GLIS3: variants seen among roughly 807,000 people sequenced by gnomAD.
GLIS3 encodes the protein zinc finger protein GLIS3.
Under a neutral mutation model 78.6 loss-of-function variants are expected in GLIS3, and 53 were observed. The observed-to-expected ratio is 0.67, with a 90% CI of 0.54 to 0.85. GLIS3 has a LOEUF of 0.85. Ranked by LOEUF, GLIS3 falls within the 40% of genes least tolerant of loss-of-function variation. GLIS3 has a pLI of 0.00. For missense variants in GLIS3, 1,703 were observed against 1,231.1 expected (o/e 1.38, Z -5.74); for synonymous variants, 684 against 509.9 (o/e 1.34, Z -4.60).
chr9:3,908,114 A>T (rs1261003136), intron 6 of GLIS3, among the ~76,000 whole-genome samples: 1 of 152,188 alleles, frequency 6.6e-6, no homozygotes, highest in African/African-American at 2.4e-5. Context: ...CAGAACAATA[A>T]GGACTGAAAG....
intron 2 of GLIS3, among the ~76,000 whole-genome samples, chr9:4,196,685 C>A (rs1173323593): frequency 6.6e-6 from 1 of 152,180 alleles, no homozygotes; most frequent in Non-Finnish European, 1.5e-5. Flanking sequence ...CATGTCTGAA[C>A]ATCAGAAGGA....
the GLIS3 span, among the ~76,000 whole-genome samples, chr9:4,453,653 G>A: frequency 6.6e-6 from 1 of 152,168 alleles, no homozygotes; most frequent in South Asian, 2.1e-4. Flanking sequence ...ATACATCATG[G>A]AATACTATGC....
At chr9:4,174,483 C>A (rs558056292) in intron 2 of GLIS3, among the ~76,000 whole-genome samples, 1 of 152,194 alleles carries the variant, frequency 6.6e-6, no homozygotes, top group Non-Finnish European at 1.5e-5. Context: ...ACAAATACCA[C>A]ATTCCGTTCT....
intron 4 of GLIS3, among the ~76,000 whole-genome samples, chr9:4,076,409 T>C (rs1369688257): frequency 6.6e-6 from 1 of 152,244 alleles, no homozygotes; most frequent in Non-Finnish European, 1.5e-5. Context: ...TGTAGTGTTA[T>C]CTCCTATGAC....
At chr9:4,194,544 T>C (rs938224319) in intron 2 of GLIS3, among the ~76,000 whole-genome samples, 2 of 152,186 alleles carry the variant, frequency 1.3e-5, no homozygotes, top group East Asian at 1.9e-4. Context: ...CCTCAGCCAC[T>C]TGGAAACAGC....
chr9:4,163,085 ACAT>A (rs1387954974), intron 2 of GLIS3, among the ~76,000 whole-genome samples: 2 of 152,228 alleles, frequency 1.3e-5, no homozygotes, highest in African/African-American at 4.8e-5. Context: ...CACATGTTAT[ACAT>A]CACCTCCACT....
chr9:4,267,614 A>C (rs899233451), intron 2 of GLIS3, among the ~76,000 whole-genome samples: 2 of 152,216 alleles, frequency 1.3e-5, no homozygotes, highest in Non-Finnish European at 2.9e-5. Flanking sequence ...ACATCTTAGG[A>C]AACTTTGCTA....
At chr9:4,305,219 C>T (rs925185601) in intron 4 of GLIS3, 1 of 152,194 alleles carries the variant, frequency 6.6e-6, no homozygotes, top group Admixed American at 6.5e-5. Context: ...GCAGGAAACC[C>T]TACTTCCACC....
At chr9:4,449,529 C>T in the GLIS3 span, among the ~76,000 whole-genome samples, 2 of 152,234 alleles carry the variant, frequency 1.3e-5, no homozygotes, top group African/African-American at 4.8e-5. Flanking sequence ...AAGTGGGTCC[C>T]TGACCCCCGT....
chr9:4,213,635 G>C (rs1388741653), intron 2 of GLIS3, among the ~76,000 whole-genome samples: 1 of 152,178 alleles, frequency 6.6e-6, no homozygotes, highest in African/African-American at 2.4e-5. Context: ...CAGCACACTA[G>C]ACATTACATT....
intron 4 of GLIS3, among the ~76,000 whole-genome samples, chr9:4,043,602 G>A (rs1490119628): frequency 6.6e-6 from 1 of 152,078 alleles, no homozygotes; most frequent in East Asian, 1.9e-4. Flanking sequence ...GAGGGCTGGG[G>A]AGGTGGTTTT....
chr9:3,918,613 G>A (rs1824672923), intron 6 of GLIS3, among the ~76,000 whole-genome samples: 3 of 152,066 alleles, frequency 2.0e-5, no homozygotes, highest in Admixed American at 6.6e-5. Flanking sequence ...TCTGACCCAG[G>A]AGTCTCATGT....
intron 4 of GLIS3, among the ~76,000 whole-genome samples, chr9:3,943,829 A>T (rs538354339): frequency 6.6e-6 from 1 of 152,188 alleles, no homozygotes; most frequent in Non-Finnish European, 1.5e-5. Flanking sequence ...TCATTTATCC[A>T]GATTATCTGG....
At chr9:3,859,386 C>T (rs943148683) in intron 8 of GLIS3, among the ~76,000 whole-genome samples, 46 of 67,222 alleles carry the variant, frequency 6.8e-4, no homozygotes, top group Admixed American at 3.2e-4. Flanking sequence ...CACACACACA[C>T]ACACACACAC....
Position 4,118,286 on chromosome 9 carries a change from G to T in GLIS3, c.1192C>A (p.Leu398Met), listed in dbSNP as rs919514445. 2 of 1,583,220 alleles carry T rather than the reference G, an allele frequency of 1.3e-6. No homozygotes were observed. Among genetic ancestry groups the T allele is most frequent in the Non-Finnish European group, 1.7e-6 (2 of 1,166,178 alleles). Residue 398 changes from leucine to methionine, a missense_variant, in exon 4 of 11, where the codon CTG becomes ATG. Leu to Met is a conservative substitution (Grantham distance 15). Transcript: ENST00000381971. This position sits in a 1 kb window ranked among gnomAD's most constrained non-coding sequence, Gnocchi z 4.7. ...GALEHERMQQ[L>M]EHGGLQPGLV... ...CCTGGCTGCAGGCCGCCGTGCTCCAGCTGTTGCATGCGCTCGTGCTCCAGG... is the reference window on the plus strand; with the variant it reads ...CCTGGCTGCAGGCCGCCGTGCTCCATCTGTTGCATGCGCTCGTGCTCCAGG...
chr9:4,428,674 C>G, the GLIS3 span, among the ~76,000 whole-genome samples: 2 of 152,002 alleles, frequency 1.3e-5, no homozygotes, highest in Admixed American at 6.6e-5. Flanking sequence ...TGGTGTGGAA[C>G]CTTAAACTGA....
At chr9:4,349,186 T>C (rs754886164), upstream of GLIS3, among the ~76,000 whole-genome samples, 2 of 152,238 alleles carry the variant, frequency 1.3e-5, no homozygotes, top group Non-Finnish European at 2.9e-5. Flanking sequence ...AACACCCCAG[T>C]TGATAGCAAT....
intron 2 of GLIS3, among the ~76,000 whole-genome samples, chr9:4,183,366 G>A (rs372419875): frequency 6.6e-6 from 1 of 152,166 alleles, no homozygotes; most frequent in Admixed American, 6.5e-5. Context: ...ATACCCAGAT[G>A]TCTCCATGCC....
chr9:3,899,299 A>C (rs990303237), intron 6 of GLIS3, among the ~76,000 whole-genome samples: 1 of 152,188 alleles, frequency 6.6e-6, no homozygotes, highest in Admixed American at 6.5e-5. Flanking sequence ...GAAAATACTC[A>C]AGTTAAATTT....
Sources: allele counts gnomAD v4.1 joint callset (sites outside exome capture counted in the v4.1 genomes callset), GRCh38; gene constraint gnomAD v4.1.1; non-coding constraint Gnocchi (gnomAD v3.1); transcripts MANE v1.5; gene names NCBI Gene and HGNC (gene_info 2026-07-23, HGNC 2026-07-21).